PACRG: variants seen among roughly 807,000 people sequenced by gnomAD.
PACRG encodes the protein parkin coregulated, also known as parkin coregulated gene protein.
Under a neutral mutation model 29.7 loss-of-function variants are expected in PACRG, and 29 were observed. The ratio of observed to expected loss-of-function variants is 0.98; its 90% CI spans 0.73 to 1.33. PACRG has a LOEUF of 1.33. PACRG is among the 40% of genes most tolerant of loss of function. The pLI is 0.00. For synonymous variants in PACRG, 116 were observed against 118.7 expected, an observed-to-expected ratio of 0.98 and a Z score of 0.15; for missense variants, 279 against 316.2, an observed-to-expected ratio of 0.88 and a Z score of 0.89.
intron 2 of PACRG, 39 bp downstream of exon 2, chr6:162,814,320 C>G: frequency 6.2e-7 from 1 of 1,606,968 alleles, no homozygotes. Context: ...GCTGCACCCG[C>G]TGAAGTGACA....
rs1044319060 is a variant in PACRG, at chr6:163,282,476, C to T, written c.614-32351C>T. Among the ~76,000 whole-genome samples the T allele has an allele frequency of 1.4e-4, 21 of 152,132 alleles. No homozygotes were observed. The South Asian group carries it at 1.9e-3, about 14-fold the overall frequency. On this transcript the variant is annotated intron_variant, in intron 4 of 4. Coordinates refer to ENST00000366888, the MANE Select transcript of PACRG (RefSeq NM_001080379.2). ...CTGTAATCCCAGTACTTTGGGAGGA[C>T]GAGGCAGGTGGATCACCTGAGGTCA...
At chr6:162,948,940 A>G (rs1046182947) in intron 2 of PACRG, among the ~76,000 whole-genome samples, 9 of 152,138 alleles carry the variant, frequency 5.9e-5, no homozygotes, top group African/African-American at 2.2e-4. Flanking sequence ...GGAAAACAGT[A>G]TGGAAATGAC....
intron 2 of PACRG, among the ~76,000 whole-genome samples, chr6:162,970,884 A>G (rs1260055681): frequency 6.6e-6 from 1 of 152,206 alleles, no homozygotes; most frequent in Non-Finnish European, 1.5e-5. Context: ...GTAATCAGCA[A>G]GGGGCAGGCT....
intron 4 of PACRG, among the ~76,000 whole-genome samples, chr6:163,245,497 TTAATA>T (rs1275873859): frequency 1.3e-5 from 2 of 152,146 alleles, no homozygotes; most frequent in Non-Finnish European, 2.9e-5. Context: ...GAGCCGCACG[TTAATA>T]TGGTTAGTTC....
chr6:162,954,848 A>G (rs1799903982), intron 2 of PACRG, among the ~76,000 whole-genome samples: 2 of 152,200 alleles, frequency 1.3e-5, no homozygotes, highest in South Asian at 4.1e-4. Flanking sequence ...TTTAGAGATC[A>G]GTGTTGATTA....
At chr6:163,081,599 T>G (rs1271205109) in intron 3 of PACRG, among the ~76,000 whole-genome samples, 1 of 151,972 alleles carries the variant, frequency 6.6e-6, no homozygotes, top group Non-Finnish European at 1.5e-5. Context: ...TCTACAAATA[T>G]AAAAAAATTA....
At chr6:162,952,292 CAT>C (rs1799711854) in intron 2 of PACRG, among the ~76,000 whole-genome samples, 1 of 152,170 alleles carries the variant, frequency 6.6e-6, no homozygotes, top group Non-Finnish European at 1.5e-5. Context: ...AACCTATTTA[CAT>C]CTAGTTTTTT....
chr6:163,045,331 C>G (rs1172795649), intron 2 of PACRG, among the ~76,000 whole-genome samples: 1 of 152,102 alleles, frequency 6.6e-6, no homozygotes, highest in Non-Finnish European at 1.5e-5. Flanking sequence ...AGGAACAGTG[C>G]CTGGGTAACA....
chr6:163,032,786 A>G (rs1807791905), intron 2 of PACRG, among the ~76,000 whole-genome samples: 1 of 152,216 alleles, frequency 6.6e-6, no homozygotes, highest in South Asian at 2.1e-4. Context: ...TAAACCTTAT[A>G]GATAAATATA....
At chr6:163,203,233 T>C (rs1199849325) in intron 4 of PACRG, among the ~76,000 whole-genome samples, 2 of 152,036 alleles carry the variant, frequency 1.3e-5, no homozygotes, top group African/African-American at 2.4e-5. Flanking sequence ...GCCAACGTGG[T>C]GAAACCCCAT....
chr6:163,122,691 C>T (rs1816343785), intron 4 of PACRG, among the ~76,000 whole-genome samples: 1 of 152,170 alleles, frequency 6.6e-6, no homozygotes, highest in Non-Finnish European at 1.5e-5. Context: ...ACAAAAAACC[C>T]CTTTCCTTCA....
intron 1 of PACRG, among the ~76,000 whole-genome samples, chr6:162,736,333 T>C (rs979162987): frequency 6.6e-6 from 1 of 152,236 alleles, no homozygotes; most frequent in Non-Finnish European, 1.5e-5. Flanking sequence ...ACGTAGACTT[T>C]CGGTGGTCCA....
chr6:162,941,281 C>T (rs1265188273), intron 2 of PACRG, among the ~76,000 whole-genome samples: 2 of 152,156 alleles, frequency 1.3e-5, no homozygotes, highest in Non-Finnish European at 2.9e-5. Flanking sequence ...TTCTGGCTCC[C>T]GCCCTGTGAC....
At chr6:163,286,237 T>A (rs2128185392) in intron 4 of PACRG, among the ~76,000 whole-genome samples, 1 of 152,334 alleles carries the variant, frequency 6.6e-6, no homozygotes, top group South Asian at 2.1e-4. Context: ...GTATGGAAAG[T>A]AAAACTGGCG....
chr6:163,216,199 C>A (rs1181215236), intron 4 of PACRG, among the ~76,000 whole-genome samples: 2 of 152,282 alleles, frequency 1.3e-5, no homozygotes, highest in African/African-American at 4.8e-5. Flanking sequence ...GGGACAGCTG[C>A]CTTGTCATGC....
At chr6:162,981,289 A>G (rs953823544) in intron 2 of PACRG, among the ~76,000 whole-genome samples, 1 of 147,786 alleles carries the variant, frequency 6.8e-6, no homozygotes, top group Non-Finnish European at 1.5e-5. Context: ...TATGTATAAA[A>G]CATATATATA....
At chr6:163,108,721 G>A (rs2128318184) in intron 4 of PACRG, among the ~76,000 whole-genome samples, 1 of 152,156 alleles carries the variant, frequency 6.6e-6, no homozygotes. Flanking sequence ...ACGCAGTCTT[G>A]GGTAGTTCTT....
chr6:162,942,160 A>G (rs1798678565), intron 2 of PACRG, among the ~76,000 whole-genome samples: 1 of 152,240 alleles, frequency 6.6e-6, no homozygotes, highest in South Asian at 2.1e-4. Flanking sequence ...GAATTTTGAA[A>G]TCATAGTTTC....
intron 1 of PACRG, among the ~76,000 whole-genome samples, chr6:162,796,290 G>T (rs960744791): frequency 6.6e-6 from 1 of 151,876 alleles, no homozygotes; most frequent in African/African-American, 2.4e-5. Context: ...TAGCACAGAC[G>T]TGTTTTTCTT....
Sources: allele counts gnomAD v4.1 joint callset (sites outside exome capture counted in the v4.1 genomes callset), GRCh38; gene constraint gnomAD v4.1.1; transcripts MANE v1.5; gene names NCBI Gene and HGNC (gene_info 2026-07-23, HGNC 2026-07-21).